Variants in ZNF91 observed in about 807,000 individuals in gnomAD.
ZNF91 encodes the protein zinc finger protein 91.
A neutral mutation model predicts 12.6 loss-of-function variants in ZNF91; 7 were observed. That is an observed-to-expected ratio of 0.55 (90% confidence interval 0.31 to 1.04). ZNF91 has a LOEUF of 1.04. ZNF91 is among the 50% of genes least tolerant of loss of function. The pLI is 0.05. For synonymous variants in ZNF91, 453 were observed against 462.6 expected (o/e 0.98, Z 0.27); for missense variants, 1,217 against 1,385.4 (o/e 0.88, Z 1.93).
At chr19:23,394,020 T>G (rs892978750) in intron 1 of ZNF91, among the ~76,000 whole-genome samples, 2 of 151,968 alleles carry the variant, frequency 1.3e-5, no homozygotes, top group African/African-American at 4.8e-5. Flanking sequence ...TAAAAATGAT[T>G]AAAATCGGTA....
At chr19:23,365,406 G>A (rs1429163482) in intron 3 of ZNF91, among the ~76,000 whole-genome samples, 2 of 151,844 alleles carry the variant, frequency 1.3e-5, no homozygotes, top group African/African-American at 2.4e-5. Flanking sequence ...AGGAGTTTCA[G>A]ATCAGCCTGA....
chr19:23,371,170 T>C (rs902388361), intron 3 of ZNF91, among the ~76,000 whole-genome samples: 6 of 151,956 alleles, frequency 3.9e-5, no homozygotes, highest in Admixed American at 3.9e-4. Context: ...AGAGAAACCC[T>C]GTCTCTACTA....
intron 1 of ZNF91, among the ~76,000 whole-genome samples, chr19:23,317,035 T>G (rs1967575576): frequency 6.6e-6 from 1 of 151,808 alleles, no homozygotes; most frequent in Non-Finnish European, 1.5e-5. Flanking sequence ...GGATGGTGAC[T>G]CATTTCTTTT....
In ZNF91 at chr19:23,362,124, C is replaced by T. The variant is rs1215773091; in HGVS notation, c.855G>A (p.Lys285=). 1 of 1,613,976 alleles carries T rather than the reference C, an allele frequency of 6.2e-7. No individual in the cohort carries two copies. The highest frequency in any genetic ancestry group is 8.5e-7 in the Non-Finnish European group (1 of 1,179,982). ...FLWSSTLTRH[K]RIHTGEKPYK... is the part of the protein sequence containing the mutation. ...AGGGTTTCTCTCCAGTGTGTATCCT[C>T]TTATGTCTAGTTAGGGTTGAGGACC... Residue 285 remains lysine (K), a synonymous_variant, in exon 4 of 4, where the codon AAG becomes AAA. Transcript: ENST00000300619.
At chr19:23,375,463 C>T (rs1969473486) in intron 1 of ZNF91, among the ~76,000 whole-genome samples, 1 of 152,050 alleles carries the variant, frequency 6.6e-6, no homozygotes, top group Admixed American at 6.6e-5. Context: ...CTGGCCAGTA[C>T]CACTCAAATT....
At chr19:23,385,665 C>T (rs12977305) in intron 1 of ZNF91, among the ~76,000 whole-genome samples, 28,629 of 152,106 alleles carry the variant, frequency 0.19, 2,915 homozygotes, top group Non-Finnish European at 0.21. Flanking sequence ...AGCACTCCAA[C>T]ATTTTCTGAG....
At chr19:23,384,511 G>A (rs1202927966) in intron 1 of ZNF91, 12 of 1,026,866 alleles carry the variant, frequency 1.2e-5, no homozygotes, top group Non-Finnish European at 1.4e-5. Flanking sequence ...TTGCAAAACA[G>A]ACATTCTCAA....
chr19:23,348,180 T>C (rs796578754), intron 3 of ZNF91, among the ~76,000 whole-genome samples: 2 of 151,738 alleles, frequency 1.3e-5, no homozygotes, highest in Non-Finnish European at 2.9e-5. Flanking sequence ...AACCCTCCAG[T>C]GGTGGACAAA....
At chr19:23,344,720 G>T (rs1487613099) in intron 3 of ZNF91, among the ~76,000 whole-genome samples, 1 of 152,174 alleles carries the variant, frequency 6.6e-6, no homozygotes, top group Non-Finnish European at 1.5e-5. Flanking sequence ...CAATAAGAAT[G>T]TTTTATATCC....
At chr19:23,323,766 G>A (rs901087114) in intron 1 of ZNF91, among the ~76,000 whole-genome samples, 16 of 129,918 alleles carry the variant, frequency 1.2e-4, no homozygotes, top group African/African-American at 3.0e-4. Flanking sequence ...CATTCTTTTC[G>A]TCTCCTCCTT....
chr19:23,377,174 C>T (rs1969532841), intron 1 of ZNF91, among the ~76,000 whole-genome samples: 1 of 152,144 alleles, frequency 6.6e-6, no homozygotes, highest in Admixed American at 6.5e-5. Flanking sequence ...CTGTCCTTAC[C>T]AAATCCAAAT....
intron 1 of ZNF91, among the ~76,000 whole-genome samples, chr19:23,387,284 T>A (rs1307409424): frequency 6.6e-6 from 1 of 152,234 alleles, no homozygotes; most frequent in Non-Finnish European, 1.5e-5. Context: ...AGCAACCTCA[T>A]CACTGGGTAT....
intron 1 of ZNF91, among the ~76,000 whole-genome samples, chr19:23,392,119 G>C (rs547663546): frequency 1.3e-5 from 2 of 152,198 alleles, no homozygotes; most frequent in African/African-American, 2.4e-5. Context: ...TAGTCTGCCG[G>C]GCACAGTGGC....
chr19:23,383,623 G>A (rs547696838), intron 1 of ZNF91, among the ~76,000 whole-genome samples: 48 of 152,094 alleles, frequency 3.2e-4, no homozygotes, highest in African/African-American at 1.1e-3. Context: ...AGAAGGCAGA[G>A]GCTGCAGTTG....
At chr19:23,324,598 T>C (rs1327363694) in intron 1 of ZNF91, 3 of 151,290 alleles carry the variant, frequency 2.0e-5, no homozygotes, top group Non-Finnish European at 4.4e-5. Flanking sequence ...TATTTATAGA[T>C]ATATTCTATG....
intron 3 of ZNF91, among the ~76,000 whole-genome samples, chr19:23,370,041 A>C (rs1969211251): frequency 6.6e-6 from 1 of 151,052 alleles, no homozygotes; most frequent in African/African-American, 2.4e-5. Flanking sequence ...CAAACAAACA[A>C]ACAAAACTTA....
chr19:23,359,386 C>A lies in ZNF91; in HGVS notation c.*17G>T, dbSNP rs749727661. 4 of 899,660 alleles carry A rather than the reference C, an allele frequency of 4.4e-6. No individual in the cohort carries two copies. In the African/African-American group the frequency reaches 6.8e-5, roughly 15 times the overall value. 55.7% of individuals were successfully genotyped at this position (899,660 alleles called of 1,614,324 possible). A position where few individuals can be genotyped will look rare whatever the true frequency, so the allele number is the denominator to read the frequency against. On this transcript the variant is annotated 3_prime_UTR_variant, in exon 4 of 4. Coordinates refer to ENST00000300619, the MANE Select transcript of ZNF91 (RefSeq NM_003430.4). ...TACAGGCGCCCGCCACCACGCCCGG[C>A]TAATTTTTTGTATTTTTTAGTAGAG... is the stretch of plus-strand genomic sequence containing the variant.
At chr19:23,350,471 G>A (rs866171145) in intron 3 of ZNF91, among the ~76,000 whole-genome samples, 3 of 152,122 alleles carry the variant, frequency 2.0e-5, no homozygotes, top group Non-Finnish European at 2.9e-5. Flanking sequence ...ACAATGACAC[G>A]ATGGATACCA....
chr19:23,377,297 A>T (rs1471294200), intron 1 of ZNF91, among the ~76,000 whole-genome samples: 2 of 152,226 alleles, frequency 1.3e-5, no homozygotes, highest in Non-Finnish European at 2.9e-5. Flanking sequence ...GAGACACTTA[A>T]TTAAAACAAA....
Sources: gnomAD v4.1 joint callset for allele counts (sites outside exome capture counted in the v4.1 genomes callset) on GRCh38, gnomAD v4.1.1 for gene constraint, MANE v1.5 for transcripts, NCBI Gene and HGNC (gene_info 2026-07-23, HGNC 2026-07-21) for gene names.